Variants in ACSM2B observed in about 807,000 individuals in gnomAD.
ACSM2B encodes acyl-coenzyme A synthetase ACSM2B, mitochondrial.
Under a neutral mutation model 78.6 loss-of-function variants are expected in ACSM2B, and 58 were observed. That is an observed-to-expected ratio of 0.74 (90% CI 0.60 to 0.92). ACSM2B has a LOEUF of 0.92. Ranked by LOEUF, ACSM2B falls within the 40% of genes least tolerant of loss-of-function variation. The pLI is 0.00. For missense variants in ACSM2B, 688 were observed against 711.2 expected, an observed-to-expected ratio of 0.97 and a Z score of 0.37; for synonymous variants, 257 against 256.8, an observed-to-expected ratio of 1.00 and a Z score of -0.01.
chr16:20,539,974 T>G (rs1596701401), intron 13 of ACSM2B, among the ~76,000 whole-genome samples: 1 of 152,318 alleles, frequency 6.6e-6, no homozygotes, highest in Non-Finnish European at 1.5e-5. Context: ...TTCAATTGCA[T>G]GAGCAATAAA....
At chr16:20,563,425 T>C (rs1427874846) in intron 2 of ACSM2B, among the ~76,000 whole-genome samples, 1 of 152,192 alleles carries the variant, frequency 6.6e-6, no homozygotes, top group Non-Finnish European at 1.5e-5. Context: ...TCTCCATGGT[T>C]TTCATTAGTC....
chr16:20,569,528 T>C (rs547443041), intron 1 of ACSM2B, among the ~76,000 whole-genome samples: 31 of 152,164 alleles, frequency 2.0e-4, no homozygotes, highest in African/African-American at 6.7e-4. Flanking sequence ...TTTGTTCTTT[T>C]TGGATAGTCT....
At chr16:20,557,653 CA>C (rs1446655006) in intron 3 of ACSM2B, among the ~76,000 whole-genome samples, 1 of 152,220 alleles carries the variant, frequency 6.6e-6, no homozygotes, top group Non-Finnish European at 1.5e-5. Context: ...TAAATGTCCA[CA>C]ACTCTTACCA....
intron 13 of ACSM2B, among the ~76,000 whole-genome samples, chr16:20,538,902 A>G (rs537361859): frequency 1.1e-3 from 162 of 152,196 alleles, no homozygotes; most frequent in Non-Finnish European, 1.8e-3. Flanking sequence ...ATATGCAGCT[A>G]AGATCCTCCT....
intron 5 of ACSM2B, among the ~76,000 whole-genome samples, chr16:20,552,704 T>G (rs1438075435): frequency 1.3e-5 from 2 of 152,210 alleles, no homozygotes; most frequent in Non-Finnish European, 2.9e-5. Flanking sequence ...AGAACTTTGC[T>G]TCTCTTTTCT....
At chr16:20,566,700 A>ATATATATAC (rs2015880125) in intron 1 of ACSM2B, among the ~76,000 whole-genome samples, 2 of 6,704 alleles carry the variant, frequency 3.0e-4, no homozygotes, top group Admixed American at 3.4e-3. Context: ...TATATATAGT[A>ATATATATAC]TATATATAGT....
chr16:20,549,043 C>T (rs1249892255), intron 6 of ACSM2B, among the ~76,000 whole-genome samples: 1 of 152,158 alleles, frequency 6.6e-6, no homozygotes, highest in Non-Finnish European at 1.5e-5. Context: ...TTTAATTTTT[C>T]CAATAACCTC....
rs968405178 is a variant in ACSM2B, at chr16:20,559,381, T to A, written c.244A>T (p.Asn82Tyr). The change falls in exon 3 of 14, where the codon AAT (asparagine) becomes TAT (tyrosine). Residue 82 changes from asparagine to tyrosine, a missense_variant. Coordinates refer to ENST00000329697, the MANE Select transcript of ACSM2B (RefSeq NM_001105069.2). ...VNGKGKELMW[N>Y]FRELSENSQQ... Reference sequence around the variant, plus strand: ...CTGTTTTCACTCAGTTCTCTGAAATTCCACATTAATTCCTTCCCCTTCCCA... The same window carrying A: ...CTGTTTTCACTCAGTTCTCTGAAATACCACATTAATTCCTTCCCCTTCCCA... 6.2e-7 allele frequency: 1 copy of A among 1,612,492 alleles called. No homozygotes were observed. Among genetic ancestry groups the A allele is most frequent in the African/African-American group, 1.3e-5 (1 of 74,746 alleles).
At chr16:20,558,247 C>T (rs2015537313) in intron 3 of ACSM2B, among the ~76,000 whole-genome samples, 1 of 151,926 alleles carries the variant, frequency 6.6e-6, no homozygotes, top group African/African-American at 2.4e-5. Flanking sequence ...ACTAACTCAA[C>T]CAGTTCTGTG....
chr16:20,572,794 G>C (rs1214760167), intron 1 of ACSM2B, among the ~76,000 whole-genome samples: 1 of 151,648 alleles, frequency 6.6e-6, no homozygotes, highest in Non-Finnish European at 1.5e-5. Context: ...CTTTGTCTTT[G>C]TTGGATTTGG....
At chr16:20,566,494 A>G (rs1307589990) in intron 1 of ACSM2B, among the ~76,000 whole-genome samples, 3 of 118,436 alleles carry the variant, frequency 2.5e-5, no homozygotes, top group Non-Finnish European at 5.0e-5. Flanking sequence ...ATAATAATAC[A>G]TATACTATAT....
chr16:20,549,214 T>G (rs937266244), intron 6 of ACSM2B, among the ~76,000 whole-genome samples: 1 of 152,204 alleles, frequency 6.6e-6, no homozygotes, highest in African/African-American at 2.4e-5. Flanking sequence ...CTTTTCTTTA[T>G]GCAGAATGTA....
At chr16:20,555,604 A>G (rs1428661001) in intron 3 of ACSM2B, 128 bp from the exon 4 acceptor site, 4 of 1,483,068 alleles carry the variant, frequency 2.7e-6, no homozygotes, top group South Asian at 2.8e-5. Flanking sequence ...CCAATGGAGA[A>G]CGTCAATAAA....
intron 2 of ACSM2B, among the ~76,000 whole-genome samples, chr16:20,563,492 G>A (rs991637579): frequency 6.6e-6 from 1 of 151,938 alleles, no homozygotes; most frequent in Admixed American, 6.6e-5. Context: ...TGTTTATATA[G>A]CAAATTTACT....
At chr16:20,554,705 G>A (rs1193845756) in intron 4 of ACSM2B, among the ~76,000 whole-genome samples, 3 of 152,180 alleles carry the variant, frequency 2.0e-5, no homozygotes, top group African/African-American at 7.2e-5. Context: ...GGGAAGAAGA[G>A]CCTAGAAACT....
chr16:20,538,687 A>G (rs1173130961), intron 13 of ACSM2B, among the ~76,000 whole-genome samples: 2 of 152,158 alleles, frequency 1.3e-5, no homozygotes, highest in Non-Finnish European at 1.5e-5. Flanking sequence ...ACACTGTGTG[A>G]TAGGACTCCT....
At chr16:20,560,867 G>C (rs563884620) in intron 2 of ACSM2B, among the ~76,000 whole-genome samples, 192 of 152,002 alleles carry the variant, frequency 1.3e-3, no homozygotes, top group East Asian at 4.3e-3. Context: ...ATTTCAAATG[G>C]AAATAAGGAA....
At position 20,540,673 on chromosome 16, in the gene ACSM2B, G is replaced by A. The variant is rs150010732; in HGVS notation, c.1610C>T (p.Pro537Leu). Residue 537 changes from proline (P) to leucine (L), a missense_variant, in exon 13 of 14, where the codon CCA becomes CTA. Physicochemically the swap from Pro to Leu is moderately conservative, Grantham distance 98. Coordinates refer to ENST00000329697, the MANE Select transcript of ACSM2B (RefSeq NM_001105069.2). ...LQQHVKSVTA[P>L]YKYPRKIEFV... ...CCTTACCTTTCTTGGGTACTTGTAT[G>A]GGGCTGTCACTGACTTCACATGCTG... is the stretch of plus-strand genomic sequence containing the variant. The A allele has an allele frequency of 8.9e-4, 1,429 of 1,614,064 alleles. 14 individuals carry two copies. The Admixed American group carries it at 0.016, about 18-fold the overall frequency.
intron 2 of ACSM2B, among the ~76,000 whole-genome samples, chr16:20,561,421 C>T (rs933428041): frequency 4.0e-5 from 6 of 151,146 alleles, no homozygotes; most frequent in African/African-American, 1.5e-4. Flanking sequence ...AAAGCAGGAA[C>T]AAGAGAGAGA....
Sources: allele counts gnomAD v4.1 joint callset (sites outside exome capture counted in the v4.1 genomes callset), GRCh38; gene constraint gnomAD v4.1.1; transcripts MANE v1.5; gene names NCBI Gene and HGNC (gene_info 2026-07-23, HGNC 2026-07-21).